Variants in MLLT10 observed in about 807,000 individuals in gnomAD.
The protein encoded by MLLT10 is MLLT10 histone lysine methyltransferase DOT1L cofactor.
Under a neutral mutation model 129.1 loss-of-function variants are expected in MLLT10, and 30 were observed. That is an observed-to-expected ratio of 0.23 (90% CI 0.17 to 0.32). The LOEUF (loss-of-function observed/expected upper bound fraction) is 0.32. Among genes scored for constraint, MLLT10 ranks in the 10% least tolerant of loss-of-function variants. MLLT10 has a pLI of 1.00. For synonymous variants in MLLT10, 490 were observed against 446.4 expected (o/e 1.10, Z -1.23); for missense variants, 1,119 against 1,268.3 (o/e 0.88, Z 1.79).
At chr10:21,699,573 A>G (rs1169301276) in intron 13 of MLLT10, among the ~76,000 whole-genome samples, 1 of 152,000 alleles carries the variant, frequency 6.6e-6, no homozygotes, top group Non-Finnish European at 1.5e-5. Context: ...AATGGGGTAC[A>G]GTTCTATTCT....
In MLLT10 at chr10:21,577,470, T is replaced by TG. The variant is rs1246999745; in HGVS notation, c.241-8824_241-8823insG. 2.6e-5 allele frequency among the ~76,000 whole-genome samples: 4 copies of TG among 151,396 alleles called. No individual in the cohort carries two copies. The East Asian group carries it at 7.7e-4, about 29-fold the overall frequency. Reference sequence around the variant, plus strand: ...GCAACAATAGATGAAGGTTTTTTTTTTTTTTTTTTTGAGACGGAAGTCTCC... The same window carrying TG: ...GCAACAATAGATGAAGGTTTTTTTTTGTTTTTTTTTTGAGACGGAAGTCTCC... On this transcript the variant is annotated intron_variant, in intron 3 of 22. Coordinates refer to ENST00000307729, the MANE Select transcript of MLLT10 (RefSeq NM_001195626.3).
intron 11 of MLLT10, among the ~76,000 whole-genome samples, chr10:21,677,585 C>G (rs2052314304): frequency 6.6e-6 from 1 of 152,052 alleles, no homozygotes; most frequent in Non-Finnish European, 1.5e-5. Context: ...AGTTGTTATA[C>G]TATATTGCTT....
rs905443456 is a variant in MLLT10, at chr10:21,534,327, C to T, written c.-194C>T. On this transcript the variant is annotated 5_prime_UTR_variant, in exon 1 of 23. Coordinates refer to ENST00000307729, the MANE Select transcript of MLLT10 (RefSeq NM_001195626.3). ...GGGAGCCCCCCCTCCCCCCAGTGCGCCTGTGCGGAGGCCCTCTTGATTATG... is the reference window on the plus strand; with the variant it reads ...GGGAGCCCCCCCTCCCCCCAGTGCGTCTGTGCGGAGGCCCTCTTGATTATG... 5 of 363,470 alleles carry T rather than the reference C, an allele frequency of 1.4e-5. No individual in the cohort carries two copies. The East Asian group carries it at 1.4e-4, about 10-fold the overall frequency. The allele number at this position is 363,470 out of a possible 1,614,324, so 22.5% of individuals were successfully genotyped here. A position where few individuals can be genotyped will look rare whatever the true frequency, so the allele number is the denominator to read the frequency against.
At chr10:21,738,395 C>A (rs970856650) in intron 21 of MLLT10, 1 of 1,287,586 alleles carries the variant, frequency 7.8e-7, no homozygotes, top group South Asian at 1.2e-5. Flanking sequence ...AGATTTTACT[C>A]TAATAATAGC....
rs544655093 is a variant in MLLT10, at chr10:21,586,278, T to C, written c.241-16T>C. The C allele has an allele frequency of 2.8e-5, 37 of 1,302,058 alleles. No homozygotes were observed. In the East Asian group the frequency reaches 1.0e-3, roughly 36 times the overall value. The allele number at this position is 1,302,058 out of a possible 1,614,324, so 80.7% of individuals were successfully genotyped here. ...TCTGAAATATTCATTACCTGTTTCT[T>C]TTTTTTTTTTTATAGAGATGTGAAC... On this transcript the variant is annotated splice_polypyrimidine_tract_variant and intron_variant, in intron 3 of 22. Transcript: ENST00000307729.
Position 21,719,949 on chromosome 10 carries a change from A to G in MLLT10, c.1878+5999A>G, listed in dbSNP as rs995417413. ...GATAAATGAATTTTAGCCAGTATATATATTCAGCTGTGGATTAAGGTCTTT... is the reference window on the plus strand; with the variant it reads ...GATAAATGAATTTTAGCCAGTATATGTATTCAGCTGTGGATTAAGGTCTTT... On this transcript the variant is annotated intron_variant, in intron 14 of 22. Coordinates refer to ENST00000307729, the MANE Select transcript of MLLT10 (RefSeq NM_001195626.3). Among the ~76,000 whole-genome samples, 4 of 152,212 alleles carry G rather than the reference A, an allele frequency of 2.6e-5. No individual in the cohort carries two copies. In the South Asian group the frequency reaches 8.3e-4, roughly 32 times the overall value.
At chr10:21,714,097 ATAGG>A (rs1449396328) in intron 14 of MLLT10, 147 bp downstream of exon 14, 1 of 642,868 alleles carries the variant, frequency 1.6e-6, no homozygotes, top group African/African-American at 1.9e-5. Flanking sequence ...AGTGAAAATG[ATAGG>A]TATTTTTACA....
In MLLT10 at chr10:21,651,708, C is replaced by G. The variant is rs755207714; in HGVS notation, c.735C>G (p.His245Gln). Residue 245 changes from histidine to glutamine, a missense_variant, in exon 9 of 23, where the codon CAC (histidine) becomes CAG (glutamine). By Grantham distance (24) the His-to-Gln change is conservative (BLOSUM62 0). Transcript: ENST00000307729. ...AGAAGGACAAACACAAACAGAAACA[C>G]AAGAAGCAGCCAGAACCATCACCTG... ...YKEKDKHKQK[H>Q]KKQPEPSPAL... is the part of the protein sequence containing the mutation. 1 of 1,613,250 alleles carries G rather than the reference C, an allele frequency of 6.2e-7. No individual in the cohort carries two copies. The highest frequency in any genetic ancestry group is 8.5e-7 in the Non-Finnish European group (1 of 1,179,650).
At chr10:21,678,882 T>C (rs755716148) in intron 11 of MLLT10, among the ~76,000 whole-genome samples, 1 of 152,198 alleles carries the variant, frequency 6.6e-6, no homozygotes, top group African/African-American at 2.4e-5. Flanking sequence ...ACAGCTCCTC[T>C]TGATGTTGTT....
At chr10:21,564,111 CTAT>C (rs1413346796) in intron 3 of MLLT10, among the ~76,000 whole-genome samples, 2 of 151,986 alleles carry the variant, frequency 1.3e-5, no homozygotes, top group Non-Finnish European at 2.9e-5. Flanking sequence ...CGTGCCCGGC[CTAT>C]TATTATTATT....
chr10:21,586,261 A>C (rs1384890384), intron 3 of MLLT10, 33 bp from the exon 4 acceptor site: 1 of 1,480,342 alleles, frequency 6.8e-7, no homozygotes, highest in Admixed American at 2.0e-5. Flanking sequence ...AATCTGAAAT[A>C]TTCATTACCT....
At chr10:21,587,703 T>C (rs2042121363) in intron 4 of MLLT10, among the ~76,000 whole-genome samples, 1 of 152,170 alleles carries the variant, frequency 6.6e-6, no homozygotes, top group South Asian at 2.1e-4. Flanking sequence ...TGGCATAGGC[T>C]AGAGTAATGG....
At chr10:21,675,906 G>A (rs560489082) in intron 11 of MLLT10, among the ~76,000 whole-genome samples, 1 of 152,222 alleles carries the variant, frequency 6.6e-6, no homozygotes, top group African/African-American at 2.4e-5. Context: ...ATCTGTTACA[G>A]ATTTGGGGAG....
intron 3 of MLLT10, among the ~76,000 whole-genome samples, chr10:21,557,337 G>T (rs912084390): frequency 6.6e-6 from 1 of 152,106 alleles, no homozygotes; most frequent in African/African-American, 2.4e-5. Context: ...TAACATAAAA[G>T]ATCCACGTAC....
intron 9 of MLLT10, among the ~76,000 whole-genome samples, chr10:21,652,463 A>G (rs890019310): frequency 1.3e-5 from 2 of 152,210 alleles, no homozygotes; most frequent in African/African-American, 4.8e-5. Context: ...AAATGGAATG[A>G]CAGAATATGT....
chr10:21,662,254 A>G (rs1188910661), intron 9 of MLLT10, among the ~76,000 whole-genome samples: 2 of 152,138 alleles, frequency 1.3e-5, no homozygotes, highest in African/African-American at 4.8e-5. Context: ...TGGTTTGGCT[A>G]CTGCCATTTA....
chr10:21,659,481 A>G (rs373952326), intron 9 of MLLT10, among the ~76,000 whole-genome samples: 15 of 151,494 alleles, frequency 9.9e-5, no homozygotes, highest in African/African-American at 3.6e-4. Context: ...TGTGCCCTTC[A>G]CTGGGCTACT....
At chr10:21,625,270 T>C in intron 8 of MLLT10, 1 of 1,032,218 alleles carries the variant, frequency 9.7e-7, no homozygotes, top group Non-Finnish European at 1.5e-6. Context: ...CTTCCCCTTC[T>C]GTTTCTTTGC....
intron 3 of MLLT10, among the ~76,000 whole-genome samples, chr10:21,584,732 AG>A (rs1041608665): frequency 1.3e-5 from 2 of 151,586 alleles, no homozygotes; most frequent in Non-Finnish European, 2.9e-5. Flanking sequence ...ATTTATATGT[AG>A]GGTGTGTATA....
Sources: gnomAD v4.1 joint callset for allele counts (sites outside exome capture counted in the v4.1 genomes callset) on GRCh38, gnomAD v4.1.1 for gene constraint, MANE v1.5 for transcripts, NCBI Gene and HGNC (gene_info 2026-07-23, HGNC 2026-07-21) for gene names.